The following PLXNA4 variants were observed in gnomAD, a reference collection of about 807,000 sequenced individuals.
PLXNA4 encodes the protein plexin A4, also known as plexin-A4.
In PLXNA4, 44 loss-of-function variants were observed where a neutral mutation model predicts 191.8. That is an observed-to-expected ratio of 0.23 (90% CI 0.18 to 0.29). The LOEUF (loss-of-function observed/expected upper bound fraction) is 0.29. Ranked by LOEUF, PLXNA4 falls within the 10% of genes least tolerant of loss-of-function variation. The pLI is 1.00. For missense variants in PLXNA4, 1,800 were observed against 2,488.8 expected (o/e 0.72, Z 5.89); for synonymous variants, 1,082 against 1,009.5 (o/e 1.07, Z -1.36).
chr7:132,487,974 T>C (rs142974522), intron 3 of PLXNA4, among the ~76,000 whole-genome samples: 1 of 152,338 alleles, frequency 6.6e-6, no homozygotes, highest in East Asian at 1.9e-4. Flanking sequence ...CACAATGATT[T>C]TGCTGTTTTT....
chr7:132,427,907 G>A (rs1585120979), intron 3 of PLXNA4, among the ~76,000 whole-genome samples: 1 of 152,336 alleles, frequency 6.6e-6, no homozygotes, highest in South Asian at 2.1e-4. Context: ...TAAAGAGATG[G>A]TGCGGACATG....
intron 1 of PLXNA4, among the ~76,000 whole-genome samples, chr7:132,562,037 C>T (rs868124635): frequency 1.1e-4 from 12 of 106,916 alleles, no homozygotes; most frequent in Non-Finnish European, 1.2e-4. Context: ...CCTTCTCCTC[C>T]TCTTCCTCCT....
At chr7:132,388,639 G>A (rs1805263074) in intron 3 of PLXNA4, among the ~76,000 whole-genome samples, 2 of 152,198 alleles carry the variant, frequency 1.3e-5, no homozygotes, top group Non-Finnish European at 2.9e-5. Flanking sequence ...TGAAGGATAA[G>A]TACGTATGAA....
At chr7:132,237,489 A>G (rs1237006397) in intron 5 of PLXNA4, among the ~76,000 whole-genome samples, 1 of 152,068 alleles carries the variant, frequency 6.6e-6, no homozygotes, top group Non-Finnish European at 1.5e-5. Context: ...TCTGAGAGGG[A>G]GGGAGGATGG....
intron 3 of PLXNA4, among the ~76,000 whole-genome samples, chr7:132,340,708 G>T (rs150050760): frequency 6.6e-6 from 1 of 152,194 alleles, no homozygotes. Flanking sequence ...TGCCTAGGTT[G>T]TTTCTCATGC....
In PLXNA4 at chr7:132,363,902, A is replaced by C. The variant is rs926993362; in HGVS notation, c.1372-65680T>G. On this transcript the variant is annotated intron_variant, in intron 3 of 31. Transcript: ENST00000321063. ...ATCCAGGTATGGCCTGGGCCTGGCCAGGGGCACATGGCAAATTGCCCTCAC... is the reference window on the plus strand; with the variant it reads ...ATCCAGGTATGGCCTGGGCCTGGCCCGGGGCACATGGCAAATTGCCCTCAC... Among the ~76,000 whole-genome samples the C allele has an allele frequency of 7.2e-5, 11 of 152,252 alleles. 1 individual carries two copies. The highest frequency in any genetic ancestry group is 2.7e-4 in the African/African-American group (11 of 41,476).
In PLXNA4 at chr7:132,140,686, G is replaced by A. The variant is rs372160247; in HGVS notation, c.5351C>T (p.Thr1784Met). 8.1e-6 allele frequency: 13 copies of A among 1,614,164 alleles called. No homozygotes were observed. Among genetic ancestry groups the A allele is most frequent in the East Asian group, 2.2e-5 (1 of 44,880 alleles). ...VAQTFMDSCSTSEHRLGKDSP... is the reference protein window; with the variant it reads ...VAQTFMDSCSMSEHRLGKDSP... ...GTCCTTGCCCAGCCGGTGCTCTGAC[G>A]TGGAGCAAGAGTCCATGAAGGTCTG... Residue 1784 changes from threonine to methionine, a missense_variant, in exon 30 of 32, where the codon ACG becomes ATG. This residue lies in a region of PLXNA4 where 101 missense variants were observed against 182.8 expected (regional missense o/e 0.55). Transcript: ENST00000321063.
At chr7:132,376,747 G>A (rs867362058) in intron 3 of PLXNA4, among the ~76,000 whole-genome samples, 1 of 152,138 alleles carries the variant, frequency 6.6e-6, no homozygotes, top group Non-Finnish European at 1.5e-5. Context: ...GCTTTGGCCT[G>A]GATTTGGAAC....
intron 1 of PLXNA4, among the ~76,000 whole-genome samples, chr7:132,563,701 C>CT (rs1801511592): frequency 8.6e-6 from 1 of 116,566 alleles, no homozygotes; most frequent in Non-Finnish European, 1.8e-5. Flanking sequence ...CCTCCTTCTC[C>CT]TCCTCCTCCT....
At chr7:132,215,979 T>C (rs575752350) in intron 9 of PLXNA4, among the ~76,000 whole-genome samples, 1 of 152,336 alleles carries the variant, frequency 6.6e-6, no homozygotes, top group South Asian at 2.1e-4. Context: ...GAGGAGGGGA[T>C]TGTGGGAGCC....
chr7:132,214,932 C>T (rs141543919), intron 9 of PLXNA4, among the ~76,000 whole-genome samples: 80 of 152,268 alleles, frequency 5.3e-4, no homozygotes, highest in Non-Finnish European at 9.3e-4. Context: ...ACATATAAAG[C>T]GTCTGGTCCG....
At chr7:132,320,529 C>T (rs1802120628) in intron 3 of PLXNA4, among the ~76,000 whole-genome samples, 1 of 152,196 alleles carries the variant, frequency 6.6e-6, no homozygotes, top group Non-Finnish European at 1.5e-5. Context: ...TTCAGCTTTC[C>T]CTTTGGGGAG....
At chr7:132,592,401 A>G (rs565292159) in intron 2 of PLXNA4, among the ~76,000 whole-genome samples, 1 of 151,932 alleles carries the variant, frequency 6.6e-6, no homozygotes, top group Admixed American at 6.5e-5. Flanking sequence ...GATCAAAATC[A>G]CTCTTCTCAT....
chr7:132,512,489 G>A (rs1056385216), intron 1 of PLXNA4, among the ~76,000 whole-genome samples: 1 of 152,174 alleles, frequency 6.6e-6, no homozygotes, highest in African/African-American at 2.4e-5. Flanking sequence ...CAGAGAGGAG[G>A]GGGGCCCACA....
intron 8 of PLXNA4, among the ~76,000 whole-genome samples, chr7:132,225,446 T>C (rs1235501516): frequency 6.6e-6 from 1 of 152,214 alleles, no homozygotes; most frequent in Non-Finnish European, 1.5e-5. Context: ...AGGAGCACTG[T>C]GATTTCCCTG....
At chr7:132,477,376 G>A (rs1369774602) in intron 3 of PLXNA4, among the ~76,000 whole-genome samples, 1 of 152,190 alleles carries the variant, frequency 6.6e-6, no homozygotes, top group Non-Finnish European at 1.5e-5. Context: ...CCACGGCACG[G>A]TTCTGCCATC....
rs535490015 is a variant in PLXNA4 at position 132,185,394 on chromosome 7, C to T, written c.3063G>A (p.Val1021=). ...GGTGGATCTTGGCCCTGTCCACCTG[C>T]ACCGACACCTTCATCTCTAGCACCT... ...SDEVLEMKVS[V]QVDRAKIHQD... is the part of the protein sequence containing the mutation. Residue 1021 remains valine, a synonymous_variant, in exon 16 of 32, where the codon GTG becomes GTA. Coordinates refer to ENST00000321063, the MANE Select transcript of PLXNA4 (RefSeq NM_020911.2). 1.9e-6 allele frequency: 3 copies of T among 1,614,138 alleles called. No homozygotes were observed. The South Asian group carries it at 3.3e-5, about 18-fold the overall frequency.
At chr7:132,581,515 A>G (rs1251384084), upstream of PLXNA4, among the ~76,000 whole-genome samples, 4 of 152,196 alleles carry the variant, frequency 2.6e-5, no homozygotes, top group Admixed American at 6.5e-5. Context: ...AAGTCTGACC[A>G]TTTCATTCAC....
intron 3 of PLXNA4, among the ~76,000 whole-genome samples, chr7:132,325,847 C>T (rs942563547): frequency 2.6e-5 from 4 of 152,128 alleles, no homozygotes; most frequent in Admixed American, 1.3e-4. Context: ...TACAGGGAGA[C>T]GTGTAAAGGC....
Sources: allele counts gnomAD v4.1 joint callset (sites outside exome capture counted in the v4.1 genomes callset), GRCh38; gene constraint gnomAD v4.1.1; regional missense constraint gnomAD v4.1.1; transcripts MANE v1.5; gene names NCBI Gene and HGNC (gene_info 2026-07-23, HGNC 2026-07-21).